KDR: variants seen among roughly 807,000 people sequenced by gnomAD.
The protein encoded by KDR is kinase insert domain receptor.
In KDR, 43 loss-of-function variants were observed where a neutral mutation model predicts 160.9. The observed-to-expected ratio is 0.27, with a 90% CI of 0.21 to 0.34. The LOEUF is 0.34. Ranked by LOEUF, KDR falls within the 10% of genes least tolerant of loss-of-function variation. The pLI, the probability that KDR is intolerant of heterozygous loss-of-function variation, is 1.00. For missense variants in KDR, 1,469 were observed against 1,666.4 expected (o/e 0.88, Z 2.06); for synonymous variants, 617 against 600.1 (o/e 1.03, Z -0.41).
At chr4:55,119,807 C>A (rs986671477) in intron 2 of KDR, among the ~76,000 whole-genome samples, 10 of 152,156 alleles carry the variant, frequency 6.6e-5, no homozygotes, top group African/African-American at 2.4e-4. Flanking sequence ...GCTTGTACTG[C>A]AGCATTTCTC....
chr4:55,106,583 A>T (rs1433535432), intron 11 of KDR, 104 bp downstream of exon 11: 17 of 905,380 alleles, frequency 1.9e-5, no homozygotes, highest in Non-Finnish European at 3.1e-5. Flanking sequence ...CTATTTAATC[A>T]TCCAGACTAT....
At chr4:55,104,574 C>T (rs761262721) in intron 13 of KDR, 69 bp downstream of exon 13, 10 of 1,178,614 alleles carry the variant, frequency 8.5e-6, no homozygotes, top group Non-Finnish European at 1.2e-5. Context: ...CTTTGCATAG[C>T]ACCTGAATTG....
chr4:55,085,520 C>G (rs1263837689), intron 27 of KDR, among the ~76,000 whole-genome samples: 1 of 152,244 alleles, frequency 6.6e-6, no homozygotes, highest in Middle Eastern at 3.4e-3. Context: ...CTCATTCTCC[C>G]CAGAGAAACA....
intron 23 of KDR, 65 bp from the exon 24 acceptor site, chr4:55,089,867 T>C (rs1719964234): frequency 6.2e-7 from 1 of 1,605,624 alleles, no homozygotes; most frequent in Non-Finnish European, 8.5e-7. Context: ...AAAAACTTCC[T>C]CTGTTCCTGA....
Position 55,079,797 on chromosome 4 carries a change from C to A in KDR, c.*144G>T. 2 of 741,708 alleles carry A rather than the reference C, an allele frequency of 2.7e-6. No individual in the cohort carries two copies. The highest frequency in any genetic ancestry group is 2.0e-5 in the Admixed American group (1 of 49,858). 45.9% of individuals were successfully genotyped at this position (741,708 alleles called of 1,614,324 possible). ...TTCCAGGATATGCCTAGAAGACTGG[C>A]TCCCTGCAGTCCGAGGTCCTTTTTC... On this transcript the variant is annotated 3_prime_UTR_variant, in exon 30 of 30. Transcript: ENST00000263923.
chr4:55,104,552 G>A (rs769709315), intron 13 of KDR, 91 bp downstream of exon 13: 6 of 976,012 alleles, frequency 6.1e-6, no homozygotes, highest in African/African-American at 1.6e-5. Flanking sequence ...TAATCTCCTA[G>A]AGGACAGTAA....
In KDR at chr4:55,118,700, G is replaced by C. The variant is rs1490727992; in HGVS notation, c.262C>G (p.Leu88Val). The change falls in exon 3 of 30, where the codon CTC becomes GTC. Residue 88 changes from leucine to valine, a missense_variant. By Grantham distance (32) the Leu-to-Val change is conservative. Coordinates refer to ENST00000263923, the MANE Select transcript of KDR (RefSeq NM_002253.4). ...TTTCCGATCACTTTTGGAATTGTGAGTGTCTTACAGAAGAGGCCATCGCTG... is the reference window on the plus strand; with the variant it reads ...TTTCCGATCACTTTTGGAATTGTGACTGTCTTACAGAAGAGGCCATCGCTG... Reference protein sequence around the residue: ...ECSDGLFCKTLTIPKVIGNDT... With the variant: ...ECSDGLFCKTVTIPKVIGNDT... 2 of 1,614,090 alleles carry C rather than the reference G, an allele frequency of 1.2e-6. No individual in the cohort carries two copies. Among genetic ancestry groups the C allele is most frequent in the Non-Finnish European group, 1.7e-6 (2 of 1,179,944 alleles).
intron 27 of KDR, among the ~76,000 whole-genome samples, chr4:55,087,242 T>C: frequency 6.6e-6 from 1 of 152,248 alleles, no homozygotes; most frequent in East Asian, 1.9e-4. Context: ...TCTGAATCTC[T>C]CCTAAGCCAT....
chr4:55,092,288 G>T, intron 22 of KDR: 1 of 359,572 alleles, frequency 2.8e-6, no homozygotes. Flanking sequence ...TGTTTATATT[G>T]CTTATTGTTT....
At chr4:55,123,691 T>C (rs1720953873) in intron 1 of KDR, among the ~76,000 whole-genome samples, 2 of 152,204 alleles carry the variant, frequency 1.3e-5, no homozygotes, top group Non-Finnish European at 2.9e-5. Flanking sequence ...AAGAAATAAC[T>C]GTAAGAGGTA....
intron 9 of KDR, among the ~76,000 whole-genome samples, chr4:55,108,872 T>A (rs1472739075): frequency 6.6e-6 from 1 of 152,188 alleles, no homozygotes; most frequent in Non-Finnish European, 1.5e-5. Flanking sequence ...AGACTTGACT[T>A]CTTTTTTATG....
At chr4:55,121,027 G>T in intron 2 of KDR, 70 bp downstream of exon 2, 1 of 1,087,260 alleles carries the variant, frequency 9.2e-7, no homozygotes, top group Non-Finnish European at 1.4e-6. Context: ...TGCTCTACTG[G>T]AAATTATTTC....
At chr4:55,101,724 C>G (rs1416864224) in intron 15 of KDR, among the ~76,000 whole-genome samples, 173 bp downstream of exon 15, 3 of 152,150 alleles carry the variant, frequency 2.0e-5, no homozygotes, top group African/African-American at 4.8e-5. Context: ...GTTCAGCTCC[C>G]ACTTATAAGT....
chr4:55,112,366 T>A (rs1484977529), intron 7 of KDR, among the ~76,000 whole-genome samples: 2 of 152,178 alleles, frequency 1.3e-5, no homozygotes, highest in Non-Finnish European at 2.9e-5. Context: ...ATTTTCTTAA[T>A]AACATTTTCT....
Position 55,110,555 on chromosome 4 carries a change from C to A in KDR, c.1103G>T (p.Gly368Val). The A allele has an allele frequency of 5.0e-6, 8 of 1,613,806 alleles. No homozygotes were observed. The highest frequency in any genetic ancestry group is 6.8e-6 in the Non-Finnish European group (8 of 1,179,898). The change falls in exon 9 of 30, where the codon GGA becomes GTA. Residue 368 changes from glycine (G) to valine (V), a missense_variant. Gly to Val is a moderately radical substitution (Grantham distance 109). Transcript: ENST00000263923. ...PPPEIKWYKN[G>V]IPLESNHTIK... The stretch of plus-strand genomic sequence containing the variant: ...TGTGTGATTGGACTCAAGGGGTATT[C>A]CATTTTTATACCTATGAAAAAAAAT...
chr4:55,125,582 T>C lies in KDR; in HGVS notation c.-289A>G. On this transcript the variant is annotated 5_prime_UTR_variant, in exon 1 of 30. Transcript: ENST00000263923. ...CCACACATTGACCGCTCTCCCGGGG[T>C]CCCGGGACTCAGTGCAGGGTGGGAG... 1 of 565,620 alleles carries C rather than the reference T, an allele frequency of 1.8e-6. No individual in the cohort carries two copies. Among genetic ancestry groups the C allele is most frequent in the East Asian group, 2.9e-5 (1 of 34,630 alleles). The allele number at this position is 565,620 out of a possible 1,614,324, so 35.0% of individuals were successfully genotyped here. A position where few individuals can be genotyped will look rare whatever the true frequency, so the allele number is the denominator to read the frequency against.
intron 22 of KDR, among the ~76,000 whole-genome samples, chr4:55,091,434 A>G (rs1488574083): frequency 6.6e-6 from 1 of 152,212 alleles, no homozygotes; most frequent in African/African-American, 2.4e-5. Flanking sequence ...ATTCATTTCC[A>G]TTCTCTTCCT....
chr4:55,085,095 T>A (rs1408315058), intron 27 of KDR, among the ~76,000 whole-genome samples: 1 of 152,216 alleles, frequency 6.6e-6, no homozygotes. Flanking sequence ...AGCTGCTTGA[T>A]GTGTGAGGTG....
Position 55,104,797 on chromosome 4 carries a change from T to C in KDR, c.1833A>G (p.Lys611=), listed in dbSNP as rs1720400591. The C allele has an allele frequency of 2.5e-6, 4 of 1,613,992 alleles. No individual in the cohort carries two copies. Among genetic ancestry groups the C allele is most frequent in the South Asian group, 2.2e-5 (2 of 91,078 alleles). ...PVCKNLDTLW[K]LNATMFSNST... is the part of the protein sequence containing the mutation. ...TATTAGAGAACATGGTGGCATTCAA[T>C]TTCCAAAGAGTATCCAAGTTCTTGC... is the stretch of plus-strand genomic sequence containing the variant. Residue 611 remains lysine, a synonymous_variant, in exon 13 of 30, where the codon AAA becomes AAG. Coordinates refer to ENST00000263923, the MANE Select transcript of KDR (RefSeq NM_002253.4).
Sources: allele counts gnomAD v4.1 joint callset (sites outside exome capture counted in the v4.1 genomes callset), GRCh38; gene constraint gnomAD v4.1.1; transcripts MANE v1.5; gene names NCBI Gene and HGNC (gene_info 2026-07-23, HGNC 2026-07-21).